The following PDE11A variants were observed in gnomAD, a reference collection of about 807,000 sequenced individuals.
The protein encoded by PDE11A is phosphodiesterase 11A.
PDE11A carries 100 observed loss-of-function variants against 100.5 expected under a neutral mutation model. The observed-to-expected ratio is 1.00, with a 90% CI of 0.85 to 1.18. PDE11A has a LOEUF of 1.18. Among genes scored for constraint, PDE11A ranks in the 50% most tolerant of loss-of-function variants. PDE11A has a pLI of 0.00. For synonymous variants in PDE11A, 381 were observed against 420.8 expected, an observed-to-expected ratio of 0.91 and a Z score of 1.16; for missense variants, 1,141 against 1,152.6, an observed-to-expected ratio of 0.99 and a Z score of 0.15.
At chr2:177,673,320 T>C (rs1269773912) in intron 17 of PDE11A, among the ~76,000 whole-genome samples, 1 of 152,076 alleles carries the variant, frequency 6.6e-6, no homozygotes, top group African/African-American at 2.4e-5. Flanking sequence ...AGAAGGGTGA[T>C]GGGAAAGGAA....
chr2:177,995,310 C>G (rs2086056667), intron 2 of PDE11A, among the ~76,000 whole-genome samples: 1 of 152,086 alleles, frequency 6.6e-6, no homozygotes, highest in Admixed American at 6.6e-5. Flanking sequence ...TTATTGCCAC[C>G]AATCCATAGC....
At chr2:177,980,536 T>C (rs1478191322) in intron 2 of PDE11A, among the ~76,000 whole-genome samples, 1 of 150,840 alleles carries the variant, frequency 6.6e-6, no homozygotes. Context: ...AATTTTGGGT[T>C]CTAAGTTTTA....
intron 4 of PDE11A, among the ~76,000 whole-genome samples, chr2:177,889,640 A>G (rs1480921592): frequency 2.0e-5 from 3 of 150,908 alleles, no homozygotes. Context: ...TGTGTGCCTA[A>G]AAGTATTTTA....
chr2:177,884,512 C>A (rs1178401327), intron 4 of PDE11A, among the ~76,000 whole-genome samples: 1 of 152,114 alleles, frequency 6.6e-6, no homozygotes, highest in African/African-American at 2.4e-5. Context: ...TAGGCTAGTA[C>A]ATGCTTAGGC....
chr2:177,727,875 C>T, intron 11 of PDE11A, 110 bp from the exon 12 acceptor site: 4 of 974,834 alleles, frequency 4.1e-6, no homozygotes, highest in Non-Finnish European at 6.6e-6. Context: ...AGGCCTTCCA[C>T]AAACATCTCT....
chr2:177,687,480 A>G (rs942998886), intron 15 of PDE11A: 1 of 152,314 alleles, frequency 6.6e-6, no homozygotes. Flanking sequence ...TGCGAGAGTT[A>G]CCCATGTTGT....
At chr2:177,920,000 A>G (rs936255673) in intron 2 of PDE11A, among the ~76,000 whole-genome samples, 5 of 152,168 alleles carry the variant, frequency 3.3e-5, no homozygotes, top group African/African-American at 7.2e-5. Context: ...GGTTTCATCA[A>G]TAAATCGTGT....
At chr2:177,676,533 G>A (rs867928470) in intron 16 of PDE11A, among the ~76,000 whole-genome samples, 2 of 151,852 alleles carry the variant, frequency 1.3e-5, no homozygotes, top group African/African-American at 2.4e-5. Flanking sequence ...ATGGCAGGGG[G>A]GTCCCCCCAC....
intron 1 of PDE11A, among the ~76,000 whole-genome samples, chr2:178,053,533 G>T (rs2086855915): frequency 6.6e-6 from 1 of 152,134 alleles, no homozygotes; most frequent in Non-Finnish European, 1.5e-5. Flanking sequence ...GCAGGAGAAA[G>T]AAATAAAGGG....
chr2:177,830,650 C>A lies in PDE11A; in HGVS notation c.1500+9601G>T, dbSNP rs959413414. 1.1e-3 allele frequency among the ~76,000 whole-genome samples: 160 copies of A among 141,336 alleles called. 1 individual carries two copies. Among genetic ancestry groups the A allele is most frequent in the African/African-American group, 4.2e-3 (156 of 37,168 alleles). 92.7% of individuals were successfully genotyped at this position (141,336 alleles called of 152,430 possible). On this transcript the variant is annotated intron_variant, in intron 6 of 19. Coordinates refer to ENST00000286063, the MANE Select transcript of PDE11A (RefSeq NM_016953.4). ...TAATAATAATAATAATAATAATAAT[C>A]AGGTGTTGTTTTAAGTGCTGAGTTT... is the stretch of plus-strand genomic sequence containing the variant.
intron 9 of PDE11A, among the ~76,000 whole-genome samples, chr2:177,808,511 C>G (rs1346228176): frequency 6.6e-6 from 1 of 152,196 alleles, no homozygotes. Context: ...CTACCTCCTC[C>G]AAGCTGAGCT....
chr2:177,637,928 TATACATATATACATATATACAC>T (rs2080069298), intron 19 of PDE11A, among the ~76,000 whole-genome samples: 5 of 145,166 alleles, frequency 3.4e-5, no homozygotes, highest in Non-Finnish European at 7.5e-5. Flanking sequence ...CACATACATA[TATACATATATACATATATACAC>T]ATACATATAT....
intron 18 of PDE11A, among the ~76,000 whole-genome samples, chr2:177,664,210 T>C (rs1189325601): frequency 1.3e-5 from 2 of 152,202 alleles, no homozygotes; most frequent in African/African-American, 4.8e-5. Context: ...TGTCTTCAAA[T>C]ATAAGTAACT....
chr2:177,737,787 T>C (rs1438638808), intron 10 of PDE11A, among the ~76,000 whole-genome samples: 1 of 152,218 alleles, frequency 6.6e-6, no homozygotes, highest in East Asian at 1.9e-4. Context: ...TGTGTAATTA[T>C]TGTTGAAAGT....
rs200628959 is a variant in PDE11A, at chr2:177,840,267, G to A, written c.1484C>T (p.Pro495Leu). 2.8e-4 allele frequency: 455 copies of A among 1,614,066 alleles called. 3 individuals carry two copies. In the East Asian group the frequency reaches 7.9e-3, roughly 28 times the overall value. ...TCCTCTTACCTCTGCATCAAAGCGC[G>A]GATCCTGGTAGGCATCACTGATGTT... The part of the protein sequence containing the change: ...PVNISDAYQD[P>L]RFDAEADQIS... The change falls in exon 6 of 20, where the codon CCG becomes CTG. Residue 495 changes from proline (P) to leucine (L), a missense_variant. Pro to Leu is a moderately conservative substitution (Grantham distance 98, BLOSUM62 -3). Coordinates refer to ENST00000286063, the MANE Select transcript of PDE11A (RefSeq NM_016953.4).
chr2:177,942,729 C>G (rs564177774), intron 2 of PDE11A, among the ~76,000 whole-genome samples: 1 of 152,202 alleles, frequency 6.6e-6, no homozygotes, highest in African/African-American at 2.4e-5. Flanking sequence ...GTAAAAAAAA[C>G]ACATAACATA....
At chr2:177,746,738 G>C (rs919599059) in intron 10 of PDE11A, among the ~76,000 whole-genome samples, 1 of 152,212 alleles carries the variant, frequency 6.6e-6, no homozygotes, top group Non-Finnish European at 1.5e-5. Context: ...AAAGATTTGT[G>C]GCTGGGTAAG....
chr2:178,017,532 A>G (rs914074348), intron 1 of PDE11A, among the ~76,000 whole-genome samples: 1 of 152,256 alleles, frequency 6.6e-6, no homozygotes, highest in African/African-American at 2.4e-5. Flanking sequence ...TAGCAAAAGT[A>G]TAAAAGCATG....
chr2:177,914,368 T>C (rs931536287), intron 2 of PDE11A, among the ~76,000 whole-genome samples: 2 of 152,162 alleles, frequency 1.3e-5, no homozygotes, highest in African/African-American at 2.4e-5. Flanking sequence ...TTGTCTAAGA[T>C]GAATAATATT....
Sources: allele counts gnomAD v4.1 joint callset (sites outside exome capture counted in the v4.1 genomes callset), GRCh38; gene constraint gnomAD v4.1.1; transcripts MANE v1.5; gene names NCBI Gene and HGNC (gene_info 2026-07-23, HGNC 2026-07-21).